The following NCKAP1 variants were observed in gnomAD, a reference collection of about 807,000 sequenced individuals.
The protein encoded by NCKAP1 is nck-associated protein 1.
Under a neutral mutation model 151.2 loss-of-function variants are expected in NCKAP1, and 21 were observed. The observed-to-expected ratio is 0.14, with a 90% CI of 0.10 to 0.20. NCKAP1 has a LOEUF of 0.20. Among genes scored for constraint, NCKAP1 ranks in the 10% least tolerant of loss-of-function variants. The pLI is 1.00. For synonymous variants in NCKAP1, 484 were observed against 451.8 expected, an observed-to-expected ratio of 1.07 and a Z score of -0.90; for missense variants, 933 against 1,352.1, an observed-to-expected ratio of 0.69 and a Z score of 4.86.
chr2:183,014,054 C>T (rs1267830483), intron 2 of NCKAP1, among the ~76,000 whole-genome samples: 1 of 152,108 alleles, frequency 6.6e-6, no homozygotes. Flanking sequence ...TTTGTTCTTC[C>T]TAGAACTCTT....
intron 15 of NCKAP1, among the ~76,000 whole-genome samples, chr2:182,974,864 A>C (rs1575041223): frequency 6.6e-6 from 1 of 150,726 alleles, no homozygotes; most frequent in Non-Finnish European, 1.5e-5. Flanking sequence ...TCTTATAAAA[A>C]TCTTAAAAAA....
Position 182,964,726 on chromosome 2 carries a change from G to A in NCKAP1, c.1711C>T (p.Leu571=), listed in dbSNP as rs756522014. 2 of 1,610,678 alleles carry A rather than the reference G, an allele frequency of 1.2e-6. No individual in the cohort carries two copies. Among genetic ancestry groups the A allele is most frequent in the South Asian group, 1.1e-5 (1 of 90,592 alleles). The change falls in exon 17 of 31, where the codon CTA becomes TTA. Residue 571 remains leucine, a synonymous_variant. Transcript: ENST00000361354. The part of the protein sequence containing the change: ...SQSRYSIAFP[L]LCTHFMSCTH... Reference sequence around the variant, plus strand: ...CAACTCATAAAATGAGTGCAAAGTAGTGGAAATGCAATTGAGTATCTTGAT... The same window carrying A: ...CAACTCATAAAATGAGTGCAAAGTAATGGAAATGCAATTGAGTATCTTGAT...
chr2:183,018,112 TGGCA>T (rs1327338949), intron 2 of NCKAP1, among the ~76,000 whole-genome samples: 1 of 151,962 alleles, frequency 6.6e-6, no homozygotes, highest in Non-Finnish European at 1.5e-5. Flanking sequence ...GCGGGCGTGG[TGGCA>T]GGCACCTGTA....
At chr2:182,939,705 G>C (rs1030288736) in intron 24 of NCKAP1, among the ~76,000 whole-genome samples, 3 of 151,904 alleles carry the variant, frequency 2.0e-5, no homozygotes, top group Non-Finnish European at 4.4e-5. Context: ...ATATGGACAT[G>C]GGGAGAAGGA....
intron 3 of NCKAP1, 23 bp downstream of exon 3, chr2:183,003,210 A>T: frequency 1.5e-6 from 2 of 1,359,404 alleles, no homozygotes; most frequent in Admixed American, 2.1e-5. Context: ...GAAGTGTTAA[A>T]TATTATATAT....
rs560453513 is a variant in NCKAP1 at position 182,942,502 on chromosome 2, A to C, written c.2602-339T>G. 2.0e-5 allele frequency among the ~76,000 whole-genome samples: 3 copies of C among 152,250 alleles called. No homozygotes were observed. In the South Asian group the frequency reaches 6.2e-4, roughly 32 times the overall value. ...TAAAATGGACATAGCAACAAATTCC[A>C]ACTGAAACAAAAAAACTAGCTAAAG... On this transcript the variant is annotated intron_variant, in intron 23 of 30. Transcript: ENST00000361354.
At chr2:182,991,387 CATCTCTACTAAAAATACAAAAATTA>C (rs1265104519) in intron 8 of NCKAP1, among the ~76,000 whole-genome samples, 1 of 151,940 alleles carries the variant, frequency 6.6e-6, no homozygotes, top group Non-Finnish European at 1.5e-5. Context: ...GTGAAAACCC[CATCTCTACTAAAAATACAAAAATTA>C]GCCAAGCATG....
chr2:182,938,447 A>T (rs572723547), intron 24 of NCKAP1, among the ~76,000 whole-genome samples: 32 of 152,332 alleles, frequency 2.1e-4, no homozygotes, highest in African/African-American at 7.5e-4. Flanking sequence ...AAACAGAATG[A>T]GAGTTGAGGA....
At chr2:182,983,458 T>G in intron 10 of NCKAP1, 76 bp from the exon 11 acceptor site, 3 of 1,026,874 alleles carry the variant, frequency 2.9e-6, no homozygotes, top group Non-Finnish European at 4.4e-6. Context: ...ACTAGCATTA[T>G]AGGTGCAACT....
At chr2:182,943,673 A>C (rs1697042807) in intron 23 of NCKAP1, among the ~76,000 whole-genome samples, 1 of 152,136 alleles carries the variant, frequency 6.6e-6, no homozygotes, top group Admixed American at 6.6e-5. Context: ...TAACACTATA[A>C]GATACATACC....
chr2:182,991,473 C>T (rs1411842396), intron 8 of NCKAP1, among the ~76,000 whole-genome samples: 2 of 151,998 alleles, frequency 1.3e-5, no homozygotes, highest in South Asian at 2.1e-4. Flanking sequence ...GCAGGAGAAA[C>T]GCTTGAACTT....
intron 8 of NCKAP1, among the ~76,000 whole-genome samples, chr2:182,992,239 G>A (rs1488886712): frequency 1.3e-5 from 2 of 152,186 alleles, no homozygotes; most frequent in Admixed American, 6.5e-5. Flanking sequence ...AAAGAGAAGT[G>A]CAGAATTTGA....
intron 15 of NCKAP1, among the ~76,000 whole-genome samples, chr2:182,969,196 T>C (rs1296849741): frequency 6.6e-6 from 1 of 152,176 alleles, no homozygotes; most frequent in Non-Finnish European, 1.5e-5. Flanking sequence ...GGAGAGACCA[T>C]ATGTTAGGCC....
At chr2:183,035,621 G>A (rs1699086780) in intron 1 of NCKAP1, among the ~76,000 whole-genome samples, 1 of 152,090 alleles carries the variant, frequency 6.6e-6, no homozygotes, top group African/African-American at 2.4e-5. Flanking sequence ...TAAACACATG[G>A]TGAACAGATC....
At chr2:182,987,824 C>T (rs1434739255) in intron 9 of NCKAP1, among the ~76,000 whole-genome samples, 3 of 151,954 alleles carry the variant, frequency 2.0e-5, no homozygotes, top group Admixed American at 2.0e-4. Flanking sequence ...CAGATCACTG[C>T]CATAAGAATA....
In NCKAP1 at chr2:182,917,673, G is replaced by A. The variant is rs1280071814; in HGVS notation, c.*8029C>T. 1 of 152,136 alleles carries A rather than the reference G, an allele frequency of 6.6e-6. No homozygotes were observed. Among genetic ancestry groups the A allele is most frequent in the Non-Finnish European group, 1.5e-5 (1 of 68,014 alleles). The allele number at this position is 152,136 out of a possible 1,614,324, so 9.4% of individuals were successfully genotyped here. ...ACCAAGTGTTGTATGTTCCAGTGTA[G>A]GATCTCACTTCAACAGCTGCGTTAC... On this transcript the variant is annotated 3_prime_UTR_variant, in exon 31 of 31. Transcript: ENST00000361354.
rs78544526 is a variant in NCKAP1, at chr2:182,920,964, C to G, written c.*4738G>C. ...GGTTTGTCTCTGAAAACATTCAGGA[C>G]GCATCACTGAGTAGTGCACAGTTTT... On this transcript the variant is annotated 3_prime_UTR_variant, in exon 31 of 31. Coordinates refer to ENST00000361354, the MANE Select transcript of NCKAP1 (RefSeq NM_013436.5). The G allele has an allele frequency of 6.6e-6, 1 of 152,058 alleles. No homozygotes were observed. The highest frequency in any genetic ancestry group is 1.5e-5 in the Non-Finnish European group (1 of 68,014). 9.4% of individuals were successfully genotyped at this position (152,058 alleles called of 1,614,324 possible).
chr2:182,934,757 T>C lies in NCKAP1; in HGVS notation c.2854A>G (p.Met952Val). 1 of 1,432,266 alleles carries C rather than the reference T, an allele frequency of 7.0e-7. No homozygotes were observed. The highest frequency in any genetic ancestry group is 9.7e-7 in the Non-Finnish European group (1 of 1,025,810). 88.7% of individuals were successfully genotyped at this position (1,432,266 alleles called of 1,614,324 possible). The change falls in exon 26 of 31, where the codon ATG becomes GTG. Residue 952 changes from methionine to valine, a missense_variant. This residue lies in a region of NCKAP1 where 326 missense variants were observed against 557.1 expected (regional missense o/e 0.59). Transcript: ENST00000361354. ...FKDHIPRETD[M>V]KVAMNVYELS... ...ACTATAAATTATATTATTACCTTCATATCAGTTTCCCTTGGAATGTGATCC... is the reference window on the plus strand; with the variant it reads ...ACTATAAATTATATTATTACCTTCACATCAGTTTCCCTTGGAATGTGATCC...
In NCKAP1 at chr2:182,916,181, A is replaced by AC. The variant is rs1438320701; in HGVS notation, c.*9520_*9521insG. The AC allele has an allele frequency of 3.3e-5, 5 of 151,088 alleles. No individual in the cohort carries two copies. The highest frequency in any genetic ancestry group is 5.9e-5 in the Non-Finnish European group (4 of 67,898). The allele number at this position is 151,088 out of a possible 1,614,324, so 9.4% of individuals were successfully genotyped here. The stretch of plus-strand genomic sequence containing the variant: ...CTTCGCCTTCTGTCAAAAAAAAAAA[A>AC]AAAAAAAAAACATGTCTCTGTGTCA... On this transcript the variant is annotated 3_prime_UTR_variant, in exon 31 of 31. Transcript: ENST00000361354.
Sources: gnomAD v4.1 joint callset for allele counts (sites outside exome capture counted in the v4.1 genomes callset) on GRCh38, gnomAD v4.1.1 for gene constraint, gnomAD v4.1.1 regional missense constraint, MANE v1.5 for transcripts, NCBI Gene and HGNC (gene_info 2026-07-23, HGNC 2026-07-21) for gene names.